The following SAMMSON variants were observed in gnomAD, a reference collection of about 807,000 sequenced individuals.
The protein encoded by SAMMSON is long intergenic non-protein coding RNA 1212.
intron 3 of SAMMSON, chr3:70,065,117 A>G (rs2067204737): frequency 6.6e-6 from 1 of 152,060 alleles, no homozygotes; most frequent in Non-Finnish European, 1.5e-5. Context: ...TGTATCATAC[A>G]CTTGTTCCAT....
At chr3:70,278,421 C>T (rs1702049170) in intron 6 of SAMMSON, among the ~76,000 whole-genome samples, 1 of 151,936 alleles carries the variant, frequency 6.6e-6, no homozygotes, top group Non-Finnish European at 1.5e-5. Context: ...GGGAGGAAGC[C>T]CAGAAGTAGA....
At chr3:70,187,295 C>T (rs1287378546) in intron 4 of SAMMSON, among the ~76,000 whole-genome samples, 4 of 152,054 alleles carry the variant, frequency 2.6e-5, no homozygotes, top group Non-Finnish European at 5.9e-5. Context: ...CACGTGTGTT[C>T]CTTTGACCTG....
At chr3:70,296,238 T>C (rs2106697707) in intron 7 of SAMMSON, among the ~76,000 whole-genome samples, 1 of 152,270 alleles carries the variant, frequency 6.6e-6, no homozygotes, top group South Asian at 2.1e-4. Context: ...CCAAATAAGT[T>C]GTAGTTTGAA....
chr3:70,263,735 C>T (rs1171099686), intron 6 of SAMMSON, among the ~76,000 whole-genome samples: 19 of 152,168 alleles, frequency 1.2e-4, no homozygotes. Flanking sequence ...ATCCTCTCTG[C>T]CTCCCCAAAT....
intron 4 of SAMMSON, among the ~76,000 whole-genome samples, chr3:70,089,234 G>C (rs1461802536): frequency 6.6e-6 from 1 of 152,096 alleles, no homozygotes; most frequent in Admixed American, 6.6e-5. Context: ...ACTAAAGTAA[G>C]CTAATACATA....
intron 4 of SAMMSON, among the ~76,000 whole-genome samples, chr3:70,074,242 A>G (rs896449822): frequency 6.6e-6 from 1 of 152,088 alleles, no homozygotes; most frequent in Non-Finnish European, 1.5e-5. Context: ...CAATAAATAA[A>G]TTTTTAGATA....
chr3:70,284,087 T>A (rs1177371832), intron 6 of SAMMSON, among the ~76,000 whole-genome samples: 2 of 152,174 alleles, frequency 1.3e-5, no homozygotes, highest in Non-Finnish European at 2.9e-5. Context: ...TCAGTTGGAC[T>A]GGTTTTCATG....
chr3:70,402,143 C>T (rs1306073663), intron 2 of SAMMSON, among the ~76,000 whole-genome samples: 1 of 152,132 alleles, frequency 6.6e-6, no homozygotes, highest in African/African-American at 2.4e-5. Flanking sequence ...CATAGAAAGC[C>T]TTCTAGGGGA....
In SAMMSON at chr3:70,341,287, C is replaced by A. The variant is rs570395288; in HGVS notation, n.740-12888C>A. Among the ~76,000 whole-genome samples, 4 of 152,148 alleles carry A rather than the reference C, an allele frequency of 2.6e-5. No homozygotes were observed. The East Asian group carries it at 7.8e-4, about 29-fold the overall frequency. On this transcript the variant is annotated intron_variant and non_coding_transcript_variant, in intron 7 of 9. Coordinates refer to ENST00000642114, the Ensembl canonical transcript of SAMMSON. ...CAGAAGGATTTGCACATGCAGTGACCAATTCTGTCCCAGTAGCATCTAGGA... is the reference window on the plus strand; with the variant it reads ...CAGAAGGATTTGCACATGCAGTGACAAATTCTGTCCCAGTAGCATCTAGGA...
chr3:70,076,711 C>T (rs2067249531), intron 4 of SAMMSON, among the ~76,000 whole-genome samples: 1 of 151,996 alleles, frequency 6.6e-6, no homozygotes, highest in South Asian at 2.1e-4. Flanking sequence ...AATATATTAA[C>T]CAAGGTGTCA....
intron 4 of SAMMSON, among the ~76,000 whole-genome samples, chr3:70,098,318 T>C (rs2067330148): frequency 6.6e-6 from 1 of 152,172 alleles, no homozygotes; most frequent in Admixed American, 6.5e-5. Flanking sequence ...CCTTCCCTCC[T>C]ATCCTGTTCC....
chr3:70,094,018 A>C (rs989400724), intron 4 of SAMMSON, among the ~76,000 whole-genome samples: 1 of 152,168 alleles, frequency 6.6e-6, no homozygotes, highest in Non-Finnish European at 1.5e-5. Flanking sequence ...TCTGGGGGCC[A>C]ACATTCCTGA....
intron 4 of SAMMSON, among the ~76,000 whole-genome samples, chr3:70,094,090 A>C (rs1180665937): frequency 2.0e-5 from 3 of 152,142 alleles, no homozygotes; most frequent in Non-Finnish European, 2.9e-5. Context: ...AAATTATATA[A>C]AATTCAGATT....
intron 4 of SAMMSON, among the ~76,000 whole-genome samples, chr3:70,157,744 GA>G (rs2067597423): frequency 2.0e-5 from 3 of 152,108 alleles, no homozygotes; most frequent in Admixed American, 6.6e-5. Context: ...AGCATTTGCT[GA>G]ACGCATTATG....
chr3:70,362,184 G>A (rs978789246), intron 9 of SAMMSON, among the ~76,000 whole-genome samples: 9 of 152,050 alleles, frequency 5.9e-5, no homozygotes, highest in Admixed American at 2.0e-4. Context: ...ATTGACTCTC[G>A]GATGATAAGT....
At chr3:70,405,344 C>T (rs551841712) in intron 2 of SAMMSON, among the ~76,000 whole-genome samples, 20 of 152,258 alleles carry the variant, frequency 1.3e-4, no homozygotes, top group African/African-American at 4.6e-4. Context: ...TGGCATTTAA[C>T]AATATCTAAA....
At chr3:70,132,187 G>A (rs1052829176) in intron 4 of SAMMSON, among the ~76,000 whole-genome samples, 1 of 152,022 alleles carries the variant, frequency 6.6e-6, no homozygotes, top group African/African-American at 2.4e-5. Context: ...TCAACCAACT[G>A]CCTGATGCTG....
At chr3:70,399,588 A>G (rs138227672) in intron 2 of SAMMSON, among the ~76,000 whole-genome samples, 21 of 152,150 alleles carry the variant, frequency 1.4e-4, no homozygotes, top group African/African-American at 4.8e-4. Context: ...TTCATGGGCC[A>G]GACATGGTGG....
At chr3:70,318,462 T>G (rs369851510) in intron 7 of SAMMSON, among the ~76,000 whole-genome samples, 35 of 150,112 alleles carry the variant, frequency 2.3e-4, no homozygotes, top group Admixed American at 6.0e-4. Flanking sequence ...AATTAACATT[T>G]TGTGTGTGTG....
Sources: gnomAD v4.1 joint callset for allele counts (sites outside exome capture counted in the v4.1 genomes callset) on GRCh38, gnomAD v4.1.1 for gene constraint, MANE v1.5 for transcripts, NCBI Gene and HGNC (gene_info 2026-07-23, HGNC 2026-07-21) for gene names.